KCNN2: variants seen among roughly 807,000 people sequenced by gnomAD.
KCNN2 encodes the protein small conductance calcium-activated potassium channel protein 2.
In KCNN2, 24 loss-of-function variants were observed where a neutral mutation model predicts 55.5. That is an observed-to-expected ratio of 0.43 (90% CI 0.31 to 0.61). KCNN2 has a LOEUF of 0.61. Among genes scored for constraint, KCNN2 ranks in the 20% least tolerant of loss-of-function variants. The pLI is 0.08. For missense variants in KCNN2, 754 were observed against 853.6 expected, an observed-to-expected ratio of 0.88 and a Z score of 1.45; for synonymous variants, 431 against 336.1, an observed-to-expected ratio of 1.28 and a Z score of -3.09.
intron 3 of KCNN2, among the ~76,000 whole-genome samples, chr5:114,430,881 T>C (rs1385154044): frequency 2.6e-5 from 4 of 152,128 alleles, no homozygotes; most frequent in Non-Finnish European, 4.4e-5. Context: ...TAACCTGTTA[T>C]GTGGTTGATG....
At position 114,108,168 on chromosome 5, in the gene KCNN2, T is replaced by C. The variant is rs369496904; in HGVS notation, c.-271+51668T>C. Among the ~76,000 whole-genome samples, 393 of 152,172 alleles carry C rather than the reference T, an allele frequency of 2.6e-3. 1 individual carries two copies. Among genetic ancestry groups the C allele is most frequent in the African/African-American group, 8.7e-3 (361 of 41,562 alleles). On this transcript the variant is annotated intron_variant, in intron 1 of 10. Transcript: ENST00000512097. ...GGTTTTGGTAGACCTTCTTATTTCA[T>C]GTGTAATGACAAGAAAAAAGTTCGA...
intron 1 of KCNN2, among the ~76,000 whole-genome samples, chr5:114,096,945 C>G (rs572073310): frequency 3.3e-5 from 5 of 152,250 alleles, no homozygotes; most frequent in African/African-American, 1.2e-4. Flanking sequence ...GCTATTACCT[C>G]CCTTATATAG....
intron 2 of KCNN2, among the ~76,000 whole-genome samples, chr5:114,293,158 C>G (rs1412742728): frequency 6.6e-6 from 1 of 152,198 alleles, no homozygotes; most frequent in Non-Finnish European, 1.5e-5. Flanking sequence ...TTGACTTCCT[C>G]TTTTCCTAAT....
At chr5:114,486,772 A>T in intron 5 of KCNN2, 3 of 1,312,182 alleles carry the variant, frequency 2.3e-6, no homozygotes, top group Non-Finnish European at 3.0e-6. Flanking sequence ...AAAAAAAAAA[A>T]TAGTTGAATA....
At chr5:114,074,572 A>G (rs1413916879) in intron 1 of KCNN2, among the ~76,000 whole-genome samples, 1 of 152,146 alleles carries the variant, frequency 6.6e-6, no homozygotes, top group East Asian at 1.9e-4. Context: ...TTTTTAAAGA[A>G]AAGCACTAGG....
At chr5:114,092,721 C>A (rs957397667) in intron 1 of KCNN2, among the ~76,000 whole-genome samples, 2 of 152,192 alleles carry the variant, frequency 1.3e-5, no homozygotes, top group African/African-American at 2.4e-5. Context: ...CCCACAGGCC[C>A]AACACCACTT....
At chr5:114,075,416 A>G (rs917583840) in intron 1 of KCNN2, among the ~76,000 whole-genome samples, 2 of 152,126 alleles carry the variant, frequency 1.3e-5, no homozygotes, top group African/African-American at 4.8e-5. Flanking sequence ...AAAATTTCCA[A>G]TTTCTCTTTG....
chr5:114,214,112 G>A (rs546371533), intron 1 of KCNN2, among the ~76,000 whole-genome samples: 3 of 152,094 alleles, frequency 2.0e-5, no homozygotes, highest in Admixed American at 1.3e-4. Context: ...TAGACCAGGG[G>A]TCAGCAAACT....
At chr5:114,481,291 G>A (rs550891090) in intron 5 of KCNN2, among the ~76,000 whole-genome samples, 15 of 152,136 alleles carry the variant, frequency 9.9e-5, no homozygotes, top group Non-Finnish European at 2.1e-4. Flanking sequence ...CAGCTAACAA[G>A]GGAAATGAAG....
intron 1 of KCNN2, among the ~76,000 whole-genome samples, chr5:114,114,188 C>G (rs897156374): frequency 1.3e-5 from 2 of 151,962 alleles, no homozygotes; most frequent in Admixed American, 1.3e-4. Flanking sequence ...GATGCAGACT[C>G]TTCTTCTTCT....
intron 2 of KCNN2, among the ~76,000 whole-genome samples, chr5:114,229,942 G>A (rs1754322650): frequency 1.3e-5 from 2 of 152,088 alleles, no homozygotes; most frequent in South Asian, 2.1e-4. Context: ...TGGAACACAC[G>A]TAACAGAAGC....
At position 114,483,712 on chromosome 5, in the gene KCNN2, ACT is replaced by A. The variant is rs1491439012; in HGVS notation, c.1891-3337_1891-3336del. Among the ~76,000 whole-genome samples the A allele has an allele frequency of 5.8e-3, 508 of 87,246 alleles. 2 individuals are homozygous for A. Among genetic ancestry groups the A allele is most frequent in the African/African-American group, 0.018 (484 of 27,616 alleles). 57.2% of individuals were successfully genotyped at this position (87,246 alleles called of 152,430 possible). A position where few individuals can be genotyped will look rare whatever the true frequency, so the allele number is the denominator to read the frequency against. ...GCAGAGCAAATGTTCTTATTTTTCA[ACT>A]GTGTGTGTGTGTGTGTGTGTGTGTG... On this transcript the variant is annotated intron_variant, in intron 5 of 7. Coordinates refer to ENST00000673685, the MANE Select transcript of KCNN2 (RefSeq NM_021614.4).
rs530897035 is a variant in KCNN2 at position 114,345,918 on chromosome 5, C to A, written c.-184-15027C>A. ...GCCTCGGCATCCCGAGTAGCTGAGA[C>A]TACAGGCATGCGCTGCTGTGCCTGG... On this transcript the variant is annotated intron_variant, in intron 2 of 10. Transcript: ENST00000512097. Among the ~76,000 whole-genome samples, 7 of 152,258 alleles carry A rather than the reference C, an allele frequency of 4.6e-5. No homozygotes were observed. The East Asian group carries it at 1.2e-3, about 25-fold the overall frequency.
rs189474145 is a variant in KCNN2 at position 114,111,518 on chromosome 5, A to G, written c.-271+55018A>G. ...AACTAAAGAGCTTCTGCACAGCAAA[A>G]TAAACTATCATCAGAGTGAACAGGC... On this transcript the variant is annotated intron_variant, in intron 1 of 10. Coordinates refer to the KCNN2 transcript ENST00000512097. Among the ~76,000 whole-genome samples, 285 of 152,340 alleles carry G rather than the reference A, an allele frequency of 1.9e-3. 1 individual carries two copies. Among genetic ancestry groups the G allele is most frequent in the Admixed American group, 3.1e-3 (48 of 15,304 alleles).
intron 2 of KCNN2, among the ~76,000 whole-genome samples, chr5:114,233,741 G>A (rs1225754360): frequency 6.6e-6 from 1 of 152,190 alleles, no homozygotes; most frequent in Non-Finnish European, 1.5e-5. Flanking sequence ...AGAACACAAT[G>A]AGACTTTGCA....
chr5:114,225,782 A>C (rs1055076973), intron 2 of KCNN2, among the ~76,000 whole-genome samples: 2 of 152,238 alleles, frequency 1.3e-5, no homozygotes, highest in Non-Finnish European at 2.9e-5. Flanking sequence ...TTTGAACCTA[A>C]ATCCTTATAG....
At chr5:114,441,064 G>A (rs1447174799) in intron 3 of KCNN2, among the ~76,000 whole-genome samples, 4 of 152,104 alleles carry the variant, frequency 2.6e-5, no homozygotes, top group Non-Finnish European at 4.4e-5. Flanking sequence ...GATAAAGATA[G>A]TGTTAAAAGC....
At chr5:114,108,300 G>A (rs1027036) in intron 1 of KCNN2, among the ~76,000 whole-genome samples, 53,657 of 151,624 alleles carry the variant, frequency 0.35, 10,223 homozygotes, top group African/African-American at 0.49. Flanking sequence ...CTGTTTCCTC[G>A]TCATAAAATG....
chr5:114,177,498 C>CAT (rs35297904), intron 1 of KCNN2, among the ~76,000 whole-genome samples: 264 of 151,170 alleles, frequency 1.7e-3, no homozygotes, highest in Middle Eastern at 3.4e-3. Context: ...TCTATATATC[C>CAT]ATATATATAT....
Sources: gnomAD v4.1 joint callset for allele counts (sites outside exome capture counted in the v4.1 genomes callset) on GRCh38, gnomAD v4.1.1 for gene constraint, MANE v1.5 for transcripts, NCBI Gene and HGNC (gene_info 2026-07-23, HGNC 2026-07-21) for gene names.